SELP: variants seen among roughly 807,000 people sequenced by gnomAD.
The protein encoded by SELP is P-selectin.
Under a neutral mutation model 104.1 loss-of-function variants are expected in SELP, and 92 were observed. The observed-to-expected ratio is 0.88, with a 90% CI of 0.75 to 1.05. SELP has a LOEUF of 1.05. SELP is among the 50% of genes least tolerant of loss of function. SELP has a pLI of 0.00. For missense variants in SELP, 1,022 were observed against 1,017.3 expected, an observed-to-expected ratio of 1.00 and a Z score of -0.06; for synonymous variants, 397 against 364.5, an observed-to-expected ratio of 1.09 and a Z score of -1.01.
chr1:169,617,554 G>T, intron 2 of SELP, 140 bp from the exon 3 acceptor site: 2 of 855,318 alleles, frequency 2.3e-6, no homozygotes, highest in Non-Finnish European at 3.6e-6. Flanking sequence ...TATGTCTAAT[G>T]TAGTTGTTTG....
rs375732703 is a variant in SELP at position 169,594,708 on chromosome 1, G to T, written c.2271C>A (p.Thr757=). 23 of 1,613,278 alleles carry T rather than the reference G, an allele frequency of 1.4e-5. No homozygotes were observed. In the East Asian group the frequency reaches 4.5e-4, roughly 31 times the overall value. The change falls in exon 13 of 17, where the codon ACC becomes ACA. Residue 757 remains threonine, a synonymous_variant. Transcript: ENST00000263686. ...AAATTGTACCTTGGCAGGTTGGCAC[G>T]GTAGTTGACCAGTGGCCATTCTCTT... The part of the protein sequence containing the change: ...ACQENGHWST[T]VPTCQAGPLT...
chr1:169,628,097 T>C (rs1012020756), intron 1 of SELP, among the ~76,000 whole-genome samples: 2 of 152,234 alleles, frequency 1.3e-5, no homozygotes, highest in Admixed American at 1.3e-4. Context: ...TGTTTCACCA[T>C]GTTGGCCAGG....
intron 9 of SELP, among the ~76,000 whole-genome samples, chr1:169,606,473 T>C (rs111445560): frequency 5.3e-4 from 80 of 152,366 alleles, no homozygotes; most frequent in Middle Eastern, 6.8e-3. Context: ...TTCTCCAATT[T>C]TATACAGATC....
At chr1:169,602,971 T>A in intron 10 of SELP, 55 bp downstream of exon 10, 1 of 1,431,194 alleles carries the variant, frequency 7.0e-7, no homozygotes, top group Non-Finnish European at 9.6e-7. Context: ...CTGATGATTC[T>A]CCATTCTCTG....
At chr1:169,604,819 C>A (rs1490722037) in intron 9 of SELP, among the ~76,000 whole-genome samples, 3 of 152,044 alleles carry the variant, frequency 2.0e-5, no homozygotes, top group African/African-American at 4.8e-5. Flanking sequence ...TCTTCTGTGG[C>A]TTTGCCTTCT....
At chr1:169,609,448 G>C in intron 8 of SELP, 56 bp downstream of exon 8, 2 of 1,517,922 alleles carry the variant, frequency 1.3e-6, no homozygotes, top group Non-Finnish European at 1.8e-6. Flanking sequence ...CAGTGCAGAT[G>C]CTGATGCCTC....
intron 1 of SELP, among the ~76,000 whole-genome samples, chr1:169,624,209 C>A (rs1020535178): frequency 5.3e-5 from 8 of 152,170 alleles, no homozygotes; most frequent in African/African-American, 1.9e-4. Context: ...CTTCTCATAC[C>A]TGCTCCTACT....
Position 169,593,589 on chromosome 1 carries a change from A to T in SELP, c.2407+16T>A, listed in dbSNP as rs376450095. 3.6e-5 allele frequency: 58 copies of T among 1,607,346 alleles called. No individual in the cohort carries two copies. Among genetic ancestry groups the T allele is most frequent in the Non-Finnish European group, 4.7e-5 (55 of 1,175,420 alleles). The stretch of plus-strand genomic sequence containing the variant: ...TATGTAACCAAGATGCAAAGAGAAG[A>T]CTCTTTCCTATTTACCTTTTTGTCT... On this transcript the variant is annotated intron_variant, in intron 14 of 16. Transcript: ENST00000263686.
At chr1:169,598,193 C>T (rs778708693) in intron 10 of SELP, among the ~76,000 whole-genome samples, 1 of 152,156 alleles carries the variant, frequency 6.6e-6, no homozygotes, top group Non-Finnish European at 1.5e-5. Context: ...ATTTTCTTAG[C>T]ATTATTCTTT....
Position 169,611,540 on chromosome 1 carries a change from G to A in SELP, c.1099C>T (p.Arg367Cys), listed in dbSNP as rs367652695. The change falls in exon 7 of 17, where the codon CGC (arginine) becomes TGC (cysteine). Residue 367 changes from arginine (R) to cysteine (C), a missense_variant. By Grantham distance (180) the Arg-to-Cys change is radical (BLOSUM62 -3). Transcript: ENST00000263686. Reference sequence around the variant, plus strand: ...GACCAGTGTCCAGAGTCAATGCAGCGGAGCATGTCCAAGCCCCTCACTCTG... The same window carrying A: ...GACCAGTGTCCAGAGTCAATGCAGCAGAGCATGTCCAAGCCCCTCACTCTG... ...GYRVRGLDML[R>C]CIDSGHWSAP... is the part of the protein sequence containing the mutation. 150 of 1,613,968 alleles carry A rather than the reference G, an allele frequency of 9.3e-5. 1 individual carries two copies. The highest frequency in any genetic ancestry group is 1.2e-4 in the Non-Finnish European group (137 of 1,180,010).
At chr1:169,609,933 C>T (rs1243646419) in intron 7 of SELP, among the ~76,000 whole-genome samples, 1 of 151,988 alleles carries the variant, frequency 6.6e-6, no homozygotes, top group African/African-American at 2.4e-5. Context: ...CCCTCCCTTC[C>T]CACCTTAACT....
At chr1:169,597,229 G>T in intron 10 of SELP, 53 bp from the exon 11 acceptor site, 2 of 1,454,462 alleles carry the variant, frequency 1.4e-6, no homozygotes, top group South Asian at 2.8e-5. Flanking sequence ...CAGAAGTTCT[G>T]TGTTACACAA....
At chr1:169,620,276 T>A (rs1238091309) in intron 1 of SELP, among the ~76,000 whole-genome samples, 1 of 152,138 alleles carries the variant, frequency 6.6e-6, no homozygotes, top group Admixed American at 6.5e-5. Context: ...GACTTCCTCA[T>A]GTTGCACATG....
intron 7 of SELP, 58 bp from the exon 8 acceptor site, chr1:169,609,747 G>GA (rs919196596): frequency 6.7e-6 from 10 of 1,494,728 alleles, no homozygotes; most frequent in South Asian, 5.2e-5. Context: ...TTCTTCCTCA[G>GA]AAAAAATTCC....
intron 1 of SELP, among the ~76,000 whole-genome samples, chr1:169,628,883 C>G (rs1045133055): frequency 2.0e-5 from 3 of 151,864 alleles, no homozygotes; most frequent in Non-Finnish European, 4.4e-5. Flanking sequence ...ACTCCTTCCT[C>G]TTCTCTTTAT....
intron 10 of SELP, among the ~76,000 whole-genome samples, chr1:169,601,267 C>T (rs1661898363): frequency 6.6e-6 from 1 of 152,176 alleles, no homozygotes; most frequent in Non-Finnish European, 1.5e-5. Context: ...ATCTTTTTGA[C>T]AGCAGATGGT....
At chr1:169,594,219 A>G (rs112760301) in intron 13 of SELP, among the ~76,000 whole-genome samples, 1,896 of 152,324 alleles carry the variant, frequency 0.012, 46 homozygotes, top group African/African-American at 0.044. Flanking sequence ...AGATTCAGTT[A>G]TGTAACAAAA....
intron 1 of SELP, among the ~76,000 whole-genome samples, chr1:169,622,258 T>C (rs1470447488): frequency 2.0e-5 from 3 of 152,246 alleles, no homozygotes; most frequent in African/African-American, 7.2e-5. Context: ...TTCCATTTAT[T>C]TCCTTTCATC....
At chr1:169,627,928 C>T (rs1663457890) in intron 1 of SELP, among the ~76,000 whole-genome samples, 1 of 152,210 alleles carries the variant, frequency 6.6e-6, no homozygotes, top group African/African-American at 2.4e-5. Context: ...ACAAGTCTTG[C>T]TCTGTCACCC....
Sources: gnomAD v4.1 joint callset for allele counts (sites outside exome capture counted in the v4.1 genomes callset) on GRCh38, gnomAD v4.1.1 for gene constraint, MANE v1.5 for transcripts, NCBI Gene and HGNC (gene_info 2026-07-23, HGNC 2026-07-21) for gene names.